The following RERE variants were observed in gnomAD, a reference collection of about 807,000 sequenced individuals.
The protein encoded by RERE is arginine-glutamic acid dipeptide repeats.
A neutral mutation model predicts 146.1 loss-of-function variants in RERE; 40 were observed. The ratio of observed to expected loss-of-function variants is 0.27; its 90% CI spans 0.21 to 0.36. RERE has a LOEUF of 0.36. Ranked by LOEUF, RERE falls within the 10% of genes least tolerant of loss-of-function variation. The pLI is 1.00. For synonymous variants in RERE, 1,003 were observed against 866.0 expected (o/e 1.16, Z -2.78); for missense variants, 1,933 against 2,138.7 (o/e 0.90, Z 1.90).
chr1:8,570,381 AATTC>A (rs761788707), intron 4 of RERE, among the ~76,000 whole-genome samples: 3 of 152,164 alleles, frequency 2.0e-5, no homozygotes, highest in Admixed American at 6.5e-5. Context: ...GTAATTTATG[AATTC>A]ATTAATAACA....
At chr1:8,427,312 G>C (rs1258885917) in intron 11 of RERE, among the ~76,000 whole-genome samples, 1 of 152,036 alleles carries the variant, frequency 6.6e-6, no homozygotes, top group African/African-American at 2.4e-5. Flanking sequence ...ATACCACTTG[G>C]CCTAATTCTC....
At chr1:8,437,851 G>A (rs1644191531) in intron 11 of RERE, among the ~76,000 whole-genome samples, 1 of 152,044 alleles carries the variant, frequency 6.6e-6, no homozygotes, top group African/African-American at 2.4e-5. Flanking sequence ...TGCTAACCCA[G>A]GCTGAGACTT....
intron 1 of RERE, among the ~76,000 whole-genome samples, chr1:8,665,631 T>G (rs1023060969): frequency 6.6e-6 from 1 of 152,092 alleles, no homozygotes; most frequent in African/African-American, 2.4e-5. Flanking sequence ...GAGTGTTCAG[T>G]TAAATAGCAG....
At chr1:8,523,371 A>C (rs1246664844) in intron 7 of RERE, among the ~76,000 whole-genome samples, 1 of 152,224 alleles carries the variant, frequency 6.6e-6, no homozygotes, top group Non-Finnish European at 1.5e-5. Context: ...ATAAGATATT[A>C]ACTTTGTGAA....
chr1:8,756,002 A>T (rs1640632751), intron 1 of RERE, among the ~76,000 whole-genome samples: 1 of 152,158 alleles, frequency 6.6e-6, no homozygotes, highest in Non-Finnish European at 1.5e-5. Flanking sequence ...TCAATTAAAG[A>T]ACCAAATTAT....
chr1:8,452,585 G>A (rs1239293345), intron 11 of RERE, among the ~76,000 whole-genome samples: 1 of 152,100 alleles, frequency 6.6e-6, no homozygotes, highest in South Asian at 2.1e-4. Context: ...AAAGTCACTT[G>A]AATAATAGAA....
At chr1:8,807,416 T>C (rs975724193) in intron 1 of RERE, among the ~76,000 whole-genome samples, 2 of 152,166 alleles carry the variant, frequency 1.3e-5, no homozygotes, top group African/African-American at 2.4e-5. Flanking sequence ...CCAGGGACTA[T>C]ACTGAAAAAT....
Position 8,364,734 on chromosome 1 carries a change from G to T in RERE, c.1540+12C>A. ...CCCCGCCCCGCCCCAGGAGCGTGACGAGGCCACTTACTGGTGGTGAAGCAG... is the reference window on the plus strand; with the variant it reads ...CCCCGCCCCGCCCCAGGAGCGTGACTAGGCCACTTACTGGTGGTGAAGCAG... On this transcript the variant is annotated intron_variant, in intron 14 of 22. Coordinates refer to ENST00000400908, the MANE Select transcript of RERE (RefSeq NM_001042681.2). This position sits in a 1 kb window ranked among gnomAD's most constrained non-coding sequence, Gnocchi z 5.1. The T allele has an allele frequency of 6.2e-7, 1 of 1,607,298 alleles. No homozygotes were observed. Among genetic ancestry groups the T allele is most frequent in the Non-Finnish European group, 8.5e-7 (1 of 1,173,868 alleles).
intron 2 of RERE, among the ~76,000 whole-genome samples, chr1:8,655,427 G>A (rs1172218817): frequency 6.6e-6 from 1 of 152,000 alleles, no homozygotes; most frequent in Admixed American, 6.6e-5. Context: ...GGCTGGTCTC[G>A]AACTCCTGAC....
At chr1:8,636,743 A>G (rs1244408077) in intron 2 of RERE, among the ~76,000 whole-genome samples, 1 of 152,136 alleles carries the variant, frequency 6.6e-6, no homozygotes, top group Non-Finnish European at 1.5e-5. Context: ...CTGAATCCTG[A>G]AAAGTGGAAG....
rs527309045 is a variant in RERE at position 8,442,833 on chromosome 1, A to G, written c.1204-20026T>C. On this transcript the variant is annotated intron_variant, in intron 11 of 22. Transcript: ENST00000400908. ...GACCAAAATACTGACAGTGATACGG[A>G]CAGTGAAGACCAGGCTGAGAAGGTC... Among the ~76,000 whole-genome samples, 5 of 152,356 alleles carry G rather than the reference A, an allele frequency of 3.3e-5. No homozygotes were observed. In the South Asian group the frequency reaches 1.0e-3, roughly 32 times the overall value.
In RERE at chr1:8,386,014, ATATATATATTTTTTTTTTTTT is replaced by A. The variant is rs1475547064; in HGVS notation, c.1285-20061_1285-20041del. 6.7e-4 allele frequency among the ~76,000 whole-genome samples: 30 copies of A among 44,622 alleles called. 1 individual carries two copies. Among genetic ancestry groups the A allele is most frequent in the African/African-American group, 2.4e-3 (26 of 10,648 alleles). The allele number at this position is 44,622 out of a possible 152,430, so 29.3% of individuals were successfully genotyped here. On this transcript the variant is annotated intron_variant, in intron 12 of 22. Coordinates refer to ENST00000400908, the MANE Select transcript of RERE (RefSeq NM_001042681.2). ...AAAAAATATATATATATATATATATATATATATATTTTTTTTTTTTTTTTTTTTTTTTTTCTTGGTTCACAG... is the reference window on the plus strand; with the variant it reads ...AAAAAATATATATATATATATATATATTTTTTTTTTTTTCTTGGTTCACAG...
chr1:8,795,393 G>C (rs1641449445), intron 1 of RERE, among the ~76,000 whole-genome samples: 1 of 151,810 alleles, frequency 6.6e-6, no homozygotes, highest in Admixed American at 6.6e-5. Context: ...AAATTCCTGG[G>C]CCAAAGCAAT....
chr1:8,578,246 T>C (rs1429017619), intron 4 of RERE, among the ~76,000 whole-genome samples: 1 of 152,202 alleles, frequency 6.6e-6, no homozygotes, highest in Admixed American at 6.5e-5. Flanking sequence ...ACAGATTATG[T>C]CTTTCCAAGA....
At chr1:8,622,367 T>TA (rs1282339922) in intron 3 of RERE, among the ~76,000 whole-genome samples, 6 of 151,110 alleles carry the variant, frequency 4.0e-5, no homozygotes, top group South Asian at 2.1e-4. Context: ...TTTGGTTTAG[T>TA]AAAAATCACA....
chr1:8,651,123 T>C (rs190488493), intron 2 of RERE, among the ~76,000 whole-genome samples: 6 of 151,552 alleles, frequency 4.0e-5, no homozygotes, highest in South Asian at 2.1e-4. Context: ...ATTTAAAAAC[T>C]AGTAATTTGG....
chr1:8,561,874 A>C (rs1646082929), intron 4 of RERE, among the ~76,000 whole-genome samples: 1 of 152,226 alleles, frequency 6.6e-6, no homozygotes, highest in African/African-American at 2.4e-5. Context: ...TTTTGTTCAA[A>C]ATCACAGAAA....
intron 1 of RERE, among the ~76,000 whole-genome samples, chr1:8,743,081 A>T (rs1640343588): frequency 6.6e-6 from 1 of 151,920 alleles, no homozygotes; most frequent in African/African-American, 2.4e-5. Flanking sequence ...ACACTTGTTT[A>T]AAAAAAGACA....
At chr1:8,558,293 G>A (rs1220136054) in intron 4 of RERE, among the ~76,000 whole-genome samples, 5 of 152,156 alleles carry the variant, frequency 3.3e-5, no homozygotes, top group Non-Finnish European at 7.3e-5. Context: ...AGAGAATAAA[G>A]GATCAAATAT....
Sources: allele counts gnomAD v4.1 joint callset (sites outside exome capture counted in the v4.1 genomes callset), GRCh38; gene constraint gnomAD v4.1.1; non-coding constraint Gnocchi (gnomAD v3.1); transcripts MANE v1.5; gene names NCBI Gene and HGNC (gene_info 2026-07-23, HGNC 2026-07-21).